Variants in COL25A1 observed in about 807,000 individuals in gnomAD.
The protein encoded by COL25A1 is collagen alpha-1(XXV) chain.
COL25A1 carries 103 observed loss-of-function variants against 128.4 expected under a neutral mutation model. That is an observed-to-expected ratio of 0.80 (90% CI 0.68 to 0.94). The LOEUF is 0.94. Among genes scored for constraint, COL25A1 ranks in the 40% least tolerant of loss-of-function variants. The pLI is 0.00. For missense variants in COL25A1, 745 were observed against 840.0 expected (o/e 0.89, Z 1.40); for synonymous variants, 279 against 277.2 (o/e 1.01, Z -0.06).
At chr4:108,876,235 A>T (rs1174900169) in intron 19 of COL25A1, among the ~76,000 whole-genome samples, 2 of 151,970 alleles carry the variant, frequency 1.3e-5, no homozygotes, top group African/African-American at 4.8e-5. Context: ...GTGCCTAACT[A>T]AGGTGAGAGA....
At chr4:109,149,376 G>A (rs1050755950) in intron 3 of COL25A1, among the ~76,000 whole-genome samples, 3 of 151,968 alleles carry the variant, frequency 2.0e-5, no homozygotes, top group African/African-American at 7.3e-5. Context: ...ACTATTCTTC[G>A]ACGTTCACCA....
At chr4:109,065,231 T>C (rs534204782) in intron 3 of COL25A1, among the ~76,000 whole-genome samples, 1 of 152,172 alleles carries the variant, frequency 6.6e-6, no homozygotes, top group South Asian at 2.1e-4. Context: ...CACGCAATCA[T>C]GAAGCACAGT....
chr4:109,166,503 C>T (rs1264465815), intron 3 of COL25A1, among the ~76,000 whole-genome samples: 1 of 152,182 alleles, frequency 6.6e-6, no homozygotes, highest in African/African-American at 2.4e-5. Flanking sequence ...TTCCCTGTTA[C>T]TTTTGCCTCC....
chr4:109,067,860 G>GTTA (rs774948157), intron 3 of COL25A1, among the ~76,000 whole-genome samples: 4 of 152,206 alleles, frequency 2.6e-5, no homozygotes, highest in Non-Finnish European at 5.9e-5. Context: ...ATTCAACACA[G>GTTA]TTAAAGTATG....
intron 8 of COL25A1, among the ~76,000 whole-genome samples, chr4:108,950,307 C>A (rs997920096): frequency 1.3e-5 from 2 of 152,176 alleles, no homozygotes; most frequent in African/African-American, 4.8e-5. Context: ...TGCTTCCCAG[C>A]AGCACTTCCA....
chr4:109,179,358 GC>G (rs1367391729), intron 3 of COL25A1, among the ~76,000 whole-genome samples: 10 of 152,164 alleles, frequency 6.6e-5, no homozygotes, highest in Non-Finnish European at 1.5e-4. Flanking sequence ...TGATTTCAAA[GC>G]CCTGTACCGT....
chr4:109,290,202 A>G (rs1724329647), intron 3 of COL25A1, among the ~76,000 whole-genome samples: 1 of 152,226 alleles, frequency 6.6e-6, no homozygotes, highest in Non-Finnish European at 1.5e-5. Context: ...CAGAATACAG[A>G]AAGTATACCT....
chr4:109,197,059 T>G (rs1560849275), intron 3 of COL25A1, among the ~76,000 whole-genome samples: 1 of 151,894 alleles, frequency 6.6e-6, no homozygotes, highest in Non-Finnish European at 1.5e-5. Context: ...GGCTCACACC[T>G]GTAATCCCAG....
intron 6 of COL25A1, among the ~76,000 whole-genome samples, chr4:108,978,925 A>G (rs1752693888): frequency 6.6e-6 from 1 of 152,220 alleles, no homozygotes; most frequent in Non-Finnish European, 1.5e-5. Flanking sequence ...ACTTTAATAA[A>G]TAAGTAGGAA....
chr4:109,168,635 C>A (rs1475721175), intron 3 of COL25A1, among the ~76,000 whole-genome samples: 1 of 152,098 alleles, frequency 6.6e-6, no homozygotes, highest in Admixed American at 6.6e-5. Flanking sequence ...ATATGACTCT[C>A]AGGAGCTACT....
intron 5 of COL25A1, among the ~76,000 whole-genome samples, chr4:109,020,508 G>A (rs1301907511): frequency 8.1e-3 from 2 of 246 alleles, no homozygotes; most frequent in African/African-American, 0.012. Flanking sequence ...GATTATTATG[G>A]GGGGGGGGGG....
At chr4:109,096,307 T>C (rs1394015623) in intron 3 of COL25A1, among the ~76,000 whole-genome samples, 1 of 152,244 alleles carries the variant, frequency 6.6e-6, no homozygotes, top group Non-Finnish European at 1.5e-5. Context: ...AGACTGCATT[T>C]ATGATGTTGG....
At chr4:109,252,159 C>A (rs889501323) in intron 3 of COL25A1, among the ~76,000 whole-genome samples, 4 of 152,242 alleles carry the variant, frequency 2.6e-5, no homozygotes, top group Admixed American at 6.5e-5. Context: ...ATAGGGAAGG[C>A]AAATCCATAT....
chr4:108,880,989 C>T (rs1740047094), intron 19 of COL25A1, among the ~76,000 whole-genome samples: 1 of 152,056 alleles, frequency 6.6e-6, no homozygotes, highest in African/African-American at 2.4e-5. Context: ...AATCTTATTC[C>T]AGAAGATCAA....
intron 3 of COL25A1, among the ~76,000 whole-genome samples, chr4:109,276,164 A>G (rs1370402717): frequency 6.6e-6 from 1 of 152,142 alleles, no homozygotes; most frequent in African/African-American, 2.4e-5. Context: ...TAATCCCAGC[A>G]CTTTGGGAGG....
intron 3 of COL25A1, among the ~76,000 whole-genome samples, chr4:109,144,166 T>C (rs1171394854): frequency 1.3e-5 from 2 of 152,212 alleles, no homozygotes; most frequent in Non-Finnish European, 2.9e-5. Context: ...GCTGCAGGTC[T>C]GCTGGAGTTT....
intron 5 of COL25A1, among the ~76,000 whole-genome samples, chr4:109,011,994 T>A (rs1268307533): frequency 2.0e-5 from 3 of 151,886 alleles, no homozygotes; most frequent in African/African-American, 7.3e-5. Flanking sequence ...AGAAGATTTC[T>A]ATGGAGACAC....
intron 31 of COL25A1, among the ~76,000 whole-genome samples, chr4:108,835,861 C>CTTTTTTTTTTTTTTTTTTTTTTTTTTT (rs1158184110): frequency 1.5e-4 from 7 of 45,720 alleles, no homozygotes; most frequent in East Asian, 1.5e-3. Flanking sequence ...TTACATACGT[C>CTTTTTTTTTTTTTTTTTTTTTTTTTTT]TTTTTTTTTT....
chr4:109,288,999 ACACAC>A, intron 3 of COL25A1, among the ~76,000 whole-genome samples: 2 of 147,702 alleles, frequency 1.4e-5, no homozygotes, highest in Non-Finnish European at 3.0e-5. Context: ...ACACACACAC[ACACAC>A]ATATATATAC....
Sources: allele counts gnomAD v4.1 joint callset (sites outside exome capture counted in the v4.1 genomes callset), GRCh38; gene constraint gnomAD v4.1.1; transcripts MANE v1.5; gene names NCBI Gene and HGNC (gene_info 2026-07-23, HGNC 2026-07-21).